Variants in TMCO4 observed in about 807,000 individuals in gnomAD.
TMCO4 encodes transmembrane and coiled-coil domain-containing protein 4.
A neutral mutation model predicts 64.7 loss-of-function variants in TMCO4; 58 were observed. The ratio of observed to expected loss-of-function variants is 0.90; its 90% confidence interval spans 0.73 to 1.12. TMCO4 has a LOEUF of 1.12. TMCO4 is among the 50% of genes most tolerant of loss of function. The pLI, the probability that TMCO4 is intolerant of heterozygous loss-of-function variation, is 0.00. For missense variants in TMCO4, 780 were observed against 825.9 expected (o/e 0.94, Z 0.68); for synonymous variants, 325 against 346.1 (o/e 0.94, Z 0.68).
intron 14 of TMCO4, among the ~76,000 whole-genome samples, chr1:19,697,660 A>G (rs2095245648): frequency 6.8e-6 from 1 of 148,134 alleles, no homozygotes; most frequent in South Asian, 2.1e-4. Flanking sequence ...GTGCAGTTGC[A>G]TGATCTTGGC....
intron 15 of TMCO4, among the ~76,000 whole-genome samples, chr1:19,692,443 G>C (rs1428090224): frequency 1.3e-5 from 2 of 152,070 alleles, no homozygotes; most frequent in Non-Finnish European, 2.9e-5. Flanking sequence ...AAAAGGCTTA[G>C]GGCAGGCCGG....
intron 13 of TMCO4, among the ~76,000 whole-genome samples, chr1:19,707,452 G>C (rs945696184): frequency 6.6e-6 from 1 of 152,186 alleles, no homozygotes; most frequent in Non-Finnish European, 1.5e-5. Flanking sequence ...GCAAAACCCA[G>C]TCTCTACTAA....
At chr1:19,716,548 T>A (rs1009193768) in intron 13 of TMCO4, among the ~76,000 whole-genome samples, 4 of 151,792 alleles carry the variant, frequency 2.6e-5, no homozygotes, top group Non-Finnish European at 5.9e-5. Context: ...TGTTTTGTTT[T>A]GTTTTTTTTA....
intron 13 of TMCO4, among the ~76,000 whole-genome samples, chr1:19,724,318 A>C (rs2095399297): frequency 6.6e-6 from 1 of 152,194 alleles, no homozygotes. Flanking sequence ...CATCCACCAT[A>C]TAAAAAGGCC....
rs756187965 is a variant in TMCO4, at chr1:19,683,398, T to C, written c.1547A>G (p.Lys516Arg). ...DYAKQMDAIL[K>R]AVGIRTKPGW... Reference sequence around the variant, plus strand: ...TGGCTTGGTGCGGATGCCCACGGCCTTCAGGATGGCATCCATCTGCTTGGC... The same window carrying C: ...TGGCTTGGTGCGGATGCCCACGGCCCTCAGGATGGCATCCATCTGCTTGGC... Residue 516 changes from lysine to arginine, a missense_variant, in exon 16 of 16, where the codon AAG becomes AGG. Lys to Arg is a conservative substitution (Grantham distance 26). Coordinates refer to ENST00000294543, the MANE Select transcript of TMCO4 (RefSeq NM_181719.7). The C allele has an allele frequency of 6.2e-7, 1 of 1,613,592 alleles. No homozygotes were observed. Among genetic ancestry groups the C allele is most frequent in the Non-Finnish European group, 8.5e-7 (1 of 1,180,030 alleles).
At chr1:19,777,676 C>A (rs1019922719) in intron 4 of TMCO4, among the ~76,000 whole-genome samples, 3 of 152,202 alleles carry the variant, frequency 2.0e-5, no homozygotes, top group African/African-American at 4.8e-5. Context: ...ACTGAATCAA[C>A]CCTGGAACCT....
intron 8 of TMCO4, 97 bp downstream of exon 8, chr1:19,747,066 A>G: frequency 1.6e-6 from 2 of 1,256,552 alleles, no homozygotes; most frequent in Non-Finnish European, 2.3e-6. Flanking sequence ...GCCACCTCCC[A>G]GCTGAGCCCC....
intron 7 of TMCO4, 81 bp downstream of exon 7, chr1:19,755,553 G>A (rs1488215641): frequency 1.9e-6 from 3 of 1,573,802 alleles, no homozygotes; most frequent in Admixed American, 3.5e-5. Flanking sequence ...TCTCTTAAAG[G>A]GAGAAGGGGA....
chr1:19,788,242 G>C (rs554220091), intron 2 of TMCO4, among the ~76,000 whole-genome samples: 1 of 152,280 alleles, frequency 6.6e-6, no homozygotes, highest in Non-Finnish European at 1.5e-5. Context: ...TCGTGTTAAA[G>C]CAATGGAGAG....
At chr1:19,775,946 C>T (rs114021551) in intron 4 of TMCO4, among the ~76,000 whole-genome samples, 1,680 of 152,276 alleles carry the variant, frequency 0.011, 39 homozygotes, top group African/African-American at 0.038. Flanking sequence ...GATGGAGTAT[C>T]GCTCTGTCGC....
intron 6 of TMCO4, among the ~76,000 whole-genome samples, chr1:19,758,974 C>T (rs182917833): frequency 3.1e-3 from 469 of 151,930 alleles, no homozygotes; most frequent in Non-Finnish European, 5.2e-3. Flanking sequence ...TGGTGGCACA[C>T]GTTTGTAATC....
chr1:19,721,117 G>T (rs1266970103), intron 13 of TMCO4, among the ~76,000 whole-genome samples: 1 of 152,104 alleles, frequency 6.6e-6, no homozygotes, highest in Non-Finnish European at 1.5e-5. Context: ...TTGTTGTTAT[G>T]GACTGAGACT....
chr1:19,688,693 C>T (rs1337782286), intron 15 of TMCO4, among the ~76,000 whole-genome samples: 1 of 152,224 alleles, frequency 6.6e-6, no homozygotes, highest in Non-Finnish European at 1.5e-5. Context: ...CATGCCGTGG[C>T]ACCGCCTGCA....
chr1:19,714,010 C>T (rs2095344071), intron 13 of TMCO4, among the ~76,000 whole-genome samples: 1 of 152,176 alleles, frequency 6.6e-6, no homozygotes, highest in Admixed American at 6.5e-5. Flanking sequence ...GATCTCAGCT[C>T]ACTGCAACTT....
chr1:19,685,022 C>T (rs1169183706), intron 15 of TMCO4, among the ~76,000 whole-genome samples: 1 of 152,126 alleles, frequency 6.6e-6, no homozygotes, highest in Non-Finnish European at 1.5e-5. Flanking sequence ...AGAATCAACC[C>T]TAGTGTATTT....
At chr1:19,726,313 T>G (rs77535295) in intron 13 of TMCO4, among the ~76,000 whole-genome samples, 2 of 152,078 alleles carry the variant, frequency 1.3e-5, no homozygotes, top group East Asian at 3.9e-4. Flanking sequence ...GTGATGGCCC[T>G]GGGTGTGATG....
At chr1:19,790,470 C>T (rs1480684994) in intron 2 of TMCO4, among the ~76,000 whole-genome samples, 1 of 151,886 alleles carries the variant, frequency 6.6e-6, no homozygotes. Flanking sequence ...AAGAAAAAAA[C>T]AAACAACCCC....
In TMCO4 at chr1:19,692,432, T is replaced by C. The variant is rs1430082117; in HGVS notation, c.1500+2002A>G. 1.3e-5 allele frequency among the ~76,000 whole-genome samples: 2 copies of C among 152,098 alleles called. 1 individual carries two copies. The highest frequency in any genetic ancestry group is 3.9e-4 in the East Asian group (2 of 5,184). On this transcript the variant is annotated intron_variant, in intron 15 of 15. Coordinates refer to ENST00000294543, the MANE Select transcript of TMCO4 (RefSeq NM_181719.7). Reference sequence around the variant, plus strand: ...TGTACAATGGGGACAGTAATGTCTGTAAAAGGCTTAGGGCAGGCCGGGTGT... The same window carrying C: ...TGTACAATGGGGACAGTAATGTCTGCAAAAGGCTTAGGGCAGGCCGGGTGT...
At chr1:19,786,714 C>G (rs1039385439) in intron 3 of TMCO4, among the ~76,000 whole-genome samples, 3 of 152,192 alleles carry the variant, frequency 2.0e-5, no homozygotes, top group African/African-American at 7.2e-5. Context: ...ATATTTGCAA[C>G]TTCCTGTGAG....
Sources: allele counts gnomAD v4.1 joint callset (sites outside exome capture counted in the v4.1 genomes callset), GRCh38; gene constraint gnomAD v4.1.1; transcripts MANE v1.5; gene names NCBI Gene and HGNC (gene_info 2026-07-23, HGNC 2026-07-21).